The following CNKSR2 variants were observed in gnomAD, a reference collection of about 807,000 sequenced individuals.
The protein encoded by CNKSR2 is connector enhancer of kinase suppressor of Ras 2.
A neutral mutation model predicts 84.4 loss-of-function variants in CNKSR2; 14 were observed. The ratio of observed to expected loss-of-function variants is 0.17; its 90% confidence interval spans 0.11 to 0.26. The LOEUF (loss-of-function observed/expected upper bound fraction) is 0.26, where lower values mean the gene tolerates loss of function less well. Among genes scored for constraint, CNKSR2 ranks in the 10% least tolerant of loss-of-function variants. The probability of loss-of-function intolerance (pLI) is 1.00; values close to 1 mark genes in which losing one functional copy is unlikely to be tolerated. For synonymous variants in CNKSR2, 275 were observed against 277.9 expected, an observed-to-expected ratio of 0.99 and a Z score of 0.10; for missense variants, 485 against 771.2, an observed-to-expected ratio of 0.63 and a Z score of 4.40.
At chrX:21,614,276 A>G (rs1387713013) in intron 20 of CNKSR2, among the ~76,000 whole-genome samples, 1 of 111,937 alleles carries the variant, frequency 8.9e-6, no homozygotes, top group East Asian at 2.8e-4. Flanking sequence ...AGGAGAAGGT[A>G]TTCCCAGAAT....
intron 21 of CNKSR2, among the ~76,000 whole-genome samples, chrX:21,649,684 A>G (rs2092715767): frequency 1.8e-5 from 2 of 111,741 alleles, no homozygotes; most frequent in South Asian, 7.6e-4. Flanking sequence ...AAGGAGGCAG[A>G]CAAGTGAGCC....
chrX:21,499,178 C>G (rs1053422864), intron 7 of CNKSR2, among the ~76,000 whole-genome samples: 1 of 111,853 alleles, frequency 8.9e-6, no homozygotes, highest in African/African-American at 3.2e-5. Context: ...AAACTATATG[C>G]TTGTCATCAA....
chrX:21,568,394 T>C (rs1292717234), intron 13 of CNKSR2, among the ~76,000 whole-genome samples: 1 of 112,226 alleles, frequency 8.9e-6, no homozygotes, highest in East Asian at 2.8e-4. Context: ...GTAGGTATAC[T>C]TTCATAAACT....
At chrX:21,623,443 T>C (rs948042920) in intron 20 of CNKSR2, among the ~76,000 whole-genome samples, 3 of 111,805 alleles carry the variant, frequency 2.7e-5, no homozygotes, top group African/African-American at 9.7e-5. Flanking sequence ...AAGAAAAGTA[T>C]GTTTGTTGAA....
intron 9 of CNKSR2, among the ~76,000 whole-genome samples, chrX:21,525,688 A>T (rs1215966826): frequency 9.0e-6 from 1 of 110,894 alleles, no homozygotes; most frequent in Non-Finnish European, 1.9e-5. Flanking sequence ...AATTTTGTTT[A>T]TCTGTACAAA....
intron 15 of CNKSR2, chrX:21,592,672 T>C (rs2092428073): frequency 9.0e-6 from 1 of 111,544 alleles, no homozygotes; most frequent in African/African-American, 3.3e-5. Context: ...CTATATCACC[T>C]ATATAAAAAT....
chrX:21,541,372 A>G (rs2147141853), intron 11 of CNKSR2, among the ~76,000 whole-genome samples: 1 of 112,151 alleles, frequency 8.9e-6, no homozygotes, highest in South Asian at 3.7e-4. Context: ...AGAATGAGTT[A>G]AAAGAAGTAC....
chrX:21,466,744 C>G (rs1181179757), intron 4 of CNKSR2, among the ~76,000 whole-genome samples: 1 of 111,080 alleles, frequency 9.0e-6, no homozygotes. Context: ...GCCACCACAC[C>G]CAGCTAATTT....
chrX:21,583,476 T>TA (rs1036048097), intron 13 of CNKSR2, among the ~76,000 whole-genome samples: 24 of 110,482 alleles, frequency 2.2e-4, no homozygotes, highest in African/African-American at 4.9e-4. Flanking sequence ...CTTGTTTATT[T>TA]AAAAAAAAAG....
intron 5 of CNKSR2, among the ~76,000 whole-genome samples, chrX:21,480,197 C>T (rs2091302595): frequency 9.0e-6 from 1 of 111,445 alleles, no homozygotes; most frequent in Non-Finnish European, 1.9e-5. Flanking sequence ...AAACTCATAA[C>T]TGACACAGTG....
rs780916514 is a variant in CNKSR2 at position 21,652,512 on chromosome X, G to A, written c.3096G>A (p.Thr1032=). 1.9e-5 allele frequency: 23 copies of A among 1,192,583 alleles called. No individual in the cohort carries two copies. In the Middle Eastern group the frequency reaches 7.0e-4, roughly 36 times the overall value. ...SLAHTHSYIE[T]HV ...CACACACTCATTCATACATTGAAAC[G>A]CATGTCTAAATGTATTCTGCCTTCA... The change falls in exon 22 of 22, where the codon ACG becomes ACA. Residue 1032 remains threonine (T), a synonymous_variant. Coordinates refer to ENST00000379510, the MANE Select transcript of CNKSR2 (RefSeq NM_014927.5).
intron 4 of CNKSR2, among the ~76,000 whole-genome samples, chrX:21,442,538 C>A (rs2090798226): frequency 8.9e-6 from 1 of 111,897 alleles, no homozygotes; most frequent in Non-Finnish European, 1.9e-5. Flanking sequence ...TGTTGGTTTG[C>A]AAGATGAAAC....
intron 4 of CNKSR2, among the ~76,000 whole-genome samples, chrX:21,451,664 C>A (rs1273342222): frequency 1.2e-5 from 1 of 81,406 alleles, no homozygotes. Flanking sequence ...CACGTGGACA[C>A]AGGAAGGGGA....
chrX:21,574,082 G>A (rs1337691960), intron 13 of CNKSR2, among the ~76,000 whole-genome samples: 1 of 111,596 alleles, frequency 9.0e-6, no homozygotes, highest in African/African-American at 3.3e-5. Context: ...CTTTGCTAAA[G>A]CACAGCAAGA....
chrX:21,638,695 T>C (rs2092681924), intron 20 of CNKSR2, among the ~76,000 whole-genome samples: 1 of 112,374 alleles, frequency 8.9e-6, no homozygotes, highest in Admixed American at 9.5e-5. Flanking sequence ...ATCATAGATA[T>C]GTTGCTCTCA....
At chrX:21,577,708 CTG>C (rs1336675061) in intron 13 of CNKSR2, among the ~76,000 whole-genome samples, 2 of 110,466 alleles carry the variant, frequency 1.8e-5, no homozygotes, top group Non-Finnish European at 3.8e-5. Flanking sequence ...TTTAATAAAA[CTG>C]TAGGTAGAAT....
At chrX:21,496,767 T>A (rs2091504257) in intron 6 of CNKSR2, among the ~76,000 whole-genome samples, 1 of 111,505 alleles carries the variant, frequency 9.0e-6, no homozygotes, top group Non-Finnish European at 1.9e-5. Context: ...GTATTGTTGG[T>A]TGTTATTATT....
chrX:21,383,008 T>C (rs1440157610), intron 1 of CNKSR2, among the ~76,000 whole-genome samples: 1 of 111,804 alleles, frequency 8.9e-6, no homozygotes, highest in Non-Finnish European at 1.9e-5. Context: ...AAAATTTTTC[T>C]AATAAAGCCT....
chrX:21,428,680 A>G (rs1415517240), intron 2 of CNKSR2: 3 of 111,457 alleles, frequency 2.7e-5, no homozygotes, highest in Non-Finnish European at 5.7e-5. Flanking sequence ...TGTTCTGACA[A>G]TACACTTTTT....
Sources: gnomAD v4.1 joint callset for allele counts (sites outside exome capture counted in the v4.1 genomes callset) on GRCh38, gnomAD v4.1.1 for gene constraint, MANE v1.5 for transcripts, NCBI Gene and HGNC (gene_info 2026-07-23, HGNC 2026-07-21) for gene names.